DENND2B: variants seen among roughly 807,000 people sequenced by gnomAD.
DENND2B encodes DENN domain containing 2B.
A neutral mutation model predicts 116.0 loss-of-function variants in DENND2B; 32 were observed. The ratio of observed to expected loss-of-function variants is 0.28; its 90% confidence interval spans 0.21 to 0.37. The LOEUF (loss-of-function observed/expected upper bound fraction) is 0.37, where lower values mean the gene tolerates loss of function less well. DENND2B is among the 10% of genes least tolerant of loss of function. The probability of loss-of-function intolerance (pLI) is 1.00; values close to 1 mark genes in which losing one functional copy is unlikely to be tolerated. For missense variants in DENND2B, 1,276 were observed against 1,477.7 expected (o/e 0.86, Z 2.24); for synonymous variants, 588 against 583.9 (o/e 1.01, Z -0.10).
chr11:8,882,170 A>T (rs917821637), intron 1 of DENND2B, among the ~76,000 whole-genome samples: 3 of 152,192 alleles, frequency 2.0e-5, no homozygotes, highest in Non-Finnish European at 4.4e-5. Context: ...CTGCACCTAG[A>T]TGTTCCAGAC....
chr11:8,698,157 AAAAAAAAAAG>A (rs1398819371), intron 16 of DENND2B, among the ~76,000 whole-genome samples: 1 of 146,440 alleles, frequency 6.8e-6, no homozygotes, highest in Non-Finnish European at 1.5e-5. Flanking sequence ...AAAAAAAAAA[AAAAAAAAAAG>A]GGGGTAGAGC....
chr11:8,730,992 C>A lies in DENND2B; in HGVS notation c.298G>T (p.Gly100Cys), dbSNP rs775023845. 1 of 1,614,020 alleles carries A rather than the reference C, an allele frequency of 6.2e-7. No individual in the cohort carries two copies. The highest frequency in any genetic ancestry group is 1.7e-5 in the Admixed American group (1 of 60,008). The change falls in exon 3 of 20, where the codon GGT (glycine) becomes TGT (cysteine). Residue 100 changes from glycine to cysteine, a missense_variant. Physicochemically the swap from Gly to Cys is radical, Grantham distance 159. This residue lies in a region of DENND2B where 856 missense variants were observed against 846.6 expected (regional missense o/e 1.01). Coordinates refer to ENST00000313726, the MANE Select transcript of DENND2B (RefSeq NM_213618.2). This position sits in a 1 kb window ranked among gnomAD's most constrained non-coding sequence, Gnocchi z 4.1. ...PTCPFKTASF[G>C]YLDRSPSACK... is the part of the protein sequence containing the mutation. The stretch of plus-strand genomic sequence containing the variant: ...GCCGAAGGGCTTCTGTCCAAATAAC[C>A]GAAGCTGGCGGTCTTGAAGGGACAG...
At chr11:8,905,807 T>C (rs994839289) in intron 1 of DENND2B, among the ~76,000 whole-genome samples, 6 of 151,980 alleles carry the variant, frequency 3.9e-5, no homozygotes, top group African/African-American at 1.5e-4. Context: ...CAAAATGTAA[T>C]ATATTCATAT....
intron 19 of DENND2B, chr11:8,694,728 T>C (rs2040041760): frequency 1.2e-5 from 5 of 414,166 alleles, no homozygotes; most frequent in Admixed American, 9.3e-5. Context: ...ATATAGACTT[T>C]TTTTTTCTCG....
At chr11:8,764,307 C>A (rs1480052017) in intron 1 of DENND2B, among the ~76,000 whole-genome samples, 6 of 152,124 alleles carry the variant, frequency 3.9e-5, no homozygotes, top group Non-Finnish European at 8.8e-5. Context: ...ATCATTAGGG[C>A]TCAATTTCCC....
At chr11:8,801,315 G>A (rs374956729) in intron 1 of DENND2B, among the ~76,000 whole-genome samples, 27 of 152,216 alleles carry the variant, frequency 1.8e-4, no homozygotes, top group African/African-American at 6.5e-4. Flanking sequence ...GTCTGCCCAA[G>A]ACACAGAAGA....
At chr11:8,840,616 C>T (rs1270883936) in intron 3 of DENND2B, among the ~76,000 whole-genome samples, 1 of 152,152 alleles carries the variant, frequency 6.6e-6, no homozygotes, top group African/African-American at 2.4e-5. Context: ...AGGGGCTCTC[C>T]TAAATATCAG....
chr11:8,730,180 G>A lies in DENND2B; in HGVS notation c.1110C>T (p.Ser370=). Residue 370 remains serine (S), a synonymous_variant, in exon 3 of 20, where the codon AGC becomes AGT. Coordinates refer to ENST00000313726, the MANE Select transcript of DENND2B (RefSeq NM_213618.2). This position sits in a 1 kb window ranked among gnomAD's most constrained non-coding sequence, Gnocchi z 4.1. ...TKPGTPGNSP[S]SQRLPSKSSL... is the part of the protein sequence containing the mutation. ...AACTCTTCGATGGCAGCCGCTGGGA[G>A]CTAGGGCTATTTCCAGGGGTCCCGG... The A allele has an allele frequency of 6.2e-7, 1 of 1,614,030 alleles. No individual in the cohort carries two copies. Among genetic ancestry groups the A allele is most frequent in the Admixed American group, 1.7e-5 (1 of 60,016 alleles).
chr11:8,727,129 G>C (rs1387829877), intron 3 of DENND2B, among the ~76,000 whole-genome samples: 1 of 152,110 alleles, frequency 6.6e-6, no homozygotes, highest in African/African-American at 2.4e-5. Context: ...CCCTCTCCAA[G>C]GCAAGTCCCC....
chr11:8,784,787 GA>G (rs1489325297), intron 1 of DENND2B, among the ~76,000 whole-genome samples: 1 of 151,336 alleles, frequency 6.6e-6, no homozygotes, highest in African/African-American at 2.4e-5. Flanking sequence ...GCAGTGAGCC[GA>G]GATTGTGCCA....
At chr11:8,709,000 G>A (rs945866917) in intron 11 of DENND2B, among the ~76,000 whole-genome samples, 1 of 151,504 alleles carries the variant, frequency 6.6e-6, no homozygotes, top group African/African-American at 2.4e-5. Flanking sequence ...CATGCACTGA[G>A]AGCTCCCAGG....
At chr11:8,836,010 T>C (rs1242233085) in intron 4 of DENND2B, among the ~76,000 whole-genome samples, 1 of 151,998 alleles carries the variant, frequency 6.6e-6, no homozygotes, top group Non-Finnish European at 1.5e-5. Flanking sequence ...TCATCGGGGA[T>C]GTAGGTCACA....
intron 1 of DENND2B, chr11:8,794,982 A>G (rs2059691488): frequency 6.6e-6 from 1 of 152,236 alleles, no homozygotes; most frequent in East Asian, 1.9e-4. Context: ...AACAGAACAC[A>G]TTCTGTGCAG....
intron 1 of DENND2B, chr11:8,776,210 C>T (rs1341172068): frequency 2.2e-6 from 1 of 451,664 alleles, no homozygotes; most frequent in African/African-American, 2.1e-5. Flanking sequence ...AGGCAGGACA[C>T]CTTCTGCTCC....
rs1367307549 is a variant in DENND2B at position 8,707,300 on chromosome 11, G to A, written c.2431-75C>T. On this transcript the variant is annotated intron_variant, in intron 12 of 19. Transcript: ENST00000313726. The surrounding 1 kb of genome is among the most constrained non-coding windows in gnomAD (Gnocchi z 4.8). ...CTTCCCCCTCCTGGCAGAGAAGAGG[G>A]CAGCCAAGCATCTGACCAGGCTAGC... 1.3e-6 allele frequency: 2 copies of A among 1,542,856 alleles called. No homozygotes were observed. Among genetic ancestry groups the A allele is most frequent in the Admixed American group, 1.9e-5 (1 of 53,276 alleles).
At chr11:8,873,165 C>A (rs1315612498), upstream of DENND2B, among the ~76,000 whole-genome samples, 3 of 152,216 alleles carry the variant, frequency 2.0e-5, no homozygotes, top group Non-Finnish European at 4.4e-5. Context: ...AGAACCTCTA[C>A]TACTAAAGTC....
chr11:8,752,595 A>C (rs990973848), intron 1 of DENND2B, among the ~76,000 whole-genome samples: 2 of 152,208 alleles, frequency 1.3e-5, no homozygotes, highest in East Asian at 3.8e-4. Flanking sequence ...GAGAGCTAGA[A>C]GTGCTCATCA....
intron 2 of DENND2B, among the ~76,000 whole-genome samples, chr11:8,739,898 A>C (rs2049888672): frequency 1.3e-5 from 2 of 152,216 alleles, no homozygotes; most frequent in Admixed American, 6.5e-5. Context: ...AAGAAAAAGT[A>C]TTGTGGGCCA....
At chr11:8,891,295 T>C (rs1224471330) in intron 1 of DENND2B, among the ~76,000 whole-genome samples, 1 of 152,100 alleles carries the variant, frequency 6.6e-6, no homozygotes, top group African/African-American at 2.4e-5. Flanking sequence ...CATGCCAAAT[T>C]GTAAAGACCA....
Sources: gnomAD v4.1 joint callset for allele counts (sites outside exome capture counted in the v4.1 genomes callset) on GRCh38, gnomAD v4.1.1 for gene constraint, gnomAD v4.1.1 regional missense constraint, Gnocchi (gnomAD v3.1) non-coding constraint, MANE v1.5 for transcripts, NCBI Gene and HGNC (gene_info 2026-07-23, HGNC 2026-07-21) for gene names.